Variants in NUP205 observed in about 807,000 individuals in gnomAD.
NUP205 encodes nucleoporin 205.
Under a neutral mutation model 253.8 loss-of-function variants are expected in NUP205, and 76 were observed. The ratio of observed to expected loss-of-function variants is 0.30; its 90% CI spans 0.25 to 0.36. The LOEUF (loss-of-function observed/expected upper bound fraction) is 0.36. Ranked by LOEUF, NUP205 falls within the 10% of genes least tolerant of loss-of-function variation. NUP205 has a pLI of 1.00. For missense variants in NUP205, 2,162 were observed against 2,425.5 expected (o/e 0.89, Z 2.28); for synonymous variants, 832 against 850.1 (o/e 0.98, Z 0.37).
chr7:135,613,928 GTAA>G (rs1794297023), intron 22 of NUP205: 1 of 282,578 alleles, frequency 3.5e-6, no homozygotes, highest in South Asian at 8.3e-5. Context: ...TAATAGTTGT[GTAA>G]TAATGTCACC....
intron 34 of NUP205, among the ~76,000 whole-genome samples, chr7:135,628,368 T>C (rs1249437819): frequency 1.3e-5 from 2 of 152,166 alleles, no homozygotes; most frequent in Admixed American, 1.3e-4. Flanking sequence ...TTTGTTCTTC[T>C]ATAAAAGAAA....
chr7:135,619,079 A>G (rs1747588850), intron 28 of NUP205, among the ~76,000 whole-genome samples: 1 of 152,094 alleles, frequency 6.6e-6, no homozygotes, highest in Non-Finnish European at 1.5e-5. Context: ...AAACTTGTTA[A>G]TGGGCTGTGT....
intron 13 of NUP205, among the ~76,000 whole-genome samples, chr7:135,595,897 G>T (rs1793820897): frequency 6.6e-6 from 1 of 152,024 alleles, no homozygotes; most frequent in Non-Finnish European, 1.5e-5. Flanking sequence ...CAACTTAAGG[G>T]AGTCTGGGAT....
At chr7:135,617,722 C>T in intron 27 of NUP205, 40 bp downstream of exon 27, 1 of 1,301,382 alleles carries the variant, frequency 7.7e-7, no homozygotes, top group Non-Finnish European at 1.1e-6. Context: ...AAACTTCTAA[C>T]TACTTAGGTT....
At position 135,622,934 on chromosome 7, in the gene NUP205, A is replaced by C; in HGVS notation, c.4479+9A>C. On this transcript the variant is annotated intron_variant, in intron 31 of 42. Coordinates refer to ENST00000285968, the MANE Select transcript of NUP205 (RefSeq NM_015135.3). ...GTCATGAGATTGGAAGGGTAAAGCA[A>C]CTCTTATTTAGTATTATAATTGAAT... 1 of 1,611,656 alleles carries C rather than the reference A, an allele frequency of 6.2e-7. No homozygotes were observed. Among genetic ancestry groups the C allele is most frequent in the Non-Finnish European group, 8.5e-7 (1 of 1,178,978 alleles).
rs780079018 is a variant in NUP205, at chr7:135,619,308, C to T, written c.3964-115C>T. 3.8e-4 allele frequency: 435 copies of T among 1,134,144 alleles called. 1 individual carries two copies. The highest frequency in any genetic ancestry group is 6.1e-4 in the Middle Eastern group (2 of 3,268). The allele number at this position is 1,134,144 out of a possible 1,614,324, so 70.3% of individuals were successfully genotyped here. A position where few individuals can be genotyped will look rare whatever the true frequency, so the allele number is the denominator to read the frequency against. On this transcript the variant is annotated intron_variant, in intron 28 of 42. Transcript: ENST00000285968. ...AGTGAGCTGAGATTATGCTACTGCA[C>T]TCCAGCCTCGGTGACAGAGCGAGAC... is the stretch of plus-strand genomic sequence containing the variant.
At chr7:135,622,734 CT>C in intron 30 of NUP205, 42 bp from the exon 31 acceptor site, 1 of 1,589,836 alleles carries the variant, frequency 6.3e-7, no homozygotes, top group South Asian at 1.1e-5. Context: ...AGTTATTACA[CT>C]GCTTTTTACT....
In NUP205 at chr7:135,625,142, CTTTAA is replaced by C; in HGVS notation, c.4480-17_4480-13del. 1.3e-6 allele frequency: 2 copies of C among 1,597,100 alleles called. No individual in the cohort carries two copies. The highest frequency in any genetic ancestry group is 1.7e-6 in the Non-Finnish European group (2 of 1,173,232). ...TTTGGTAGCATCTACATGTTTTGGA[CTTTAA>C]TTTATTCTTCCTTCAGATGCTGGCC... On this transcript the variant is annotated splice_polypyrimidine_tract_variant and intron_variant, in intron 31 of 42. Transcript: ENST00000285968.
intron 1 of NUP205, among the ~76,000 whole-genome samples, chr7:135,560,349 A>C (rs890732039): frequency 1.3e-5 from 2 of 152,186 alleles, no homozygotes; most frequent in Non-Finnish European, 2.9e-5. Flanking sequence ...TTATTAAACA[A>C]ATCATTGGAG....
intron 4 of NUP205, among the ~76,000 whole-genome samples, chr7:135,576,749 G>T (rs1163593853): frequency 6.6e-6 from 1 of 152,026 alleles, no homozygotes; most frequent in African/African-American, 2.4e-5. Flanking sequence ...GGGCATGATG[G>T]CATGCACCTG....
At chr7:135,580,744 C>T (rs746075072) in intron 7 of NUP205, among the ~76,000 whole-genome samples, 22 of 151,944 alleles carry the variant, frequency 1.4e-4, no homozygotes, top group Non-Finnish European at 2.2e-4. Flanking sequence ...ATTACAGGCG[C>T]GAGCCACCAT....
rs1256563142 is a variant in NUP205 at position 135,573,914 on chromosome 7, A to G, written c.343+89A>G. 3 of 1,033,118 alleles carry G rather than the reference A, an allele frequency of 2.9e-6. No homozygotes were observed. The African/African-American group carries it at 4.9e-5, about 17-fold the overall frequency. 64.0% of individuals were successfully genotyped at this position (1,033,118 alleles called of 1,614,324 possible). A position where few individuals can be genotyped will look rare whatever the true frequency, so the allele number is the denominator to read the frequency against. Reference sequence around the variant, plus strand: ...TAAAATAGTTTATTGTTTAGATTCTATCATAGTTTCTAAGGCTGCAGTTTG... The same window carrying G: ...TAAAATAGTTTATTGTTTAGATTCTGTCATAGTTTCTAAGGCTGCAGTTTG... On this transcript the variant is annotated intron_variant, in intron 3 of 42. Coordinates refer to ENST00000285968, the MANE Select transcript of NUP205 (RefSeq NM_015135.3).
chr7:135,607,322 G>C lies in NUP205; in HGVS notation c.3146G>C (p.Gly1049Ala). The change falls in exon 22 of 43, where the codon GGC becomes GCC. Residue 1049 changes from glycine to alanine, a missense_variant. Around this residue, in one of 5 missense-constraint regions of NUP205, gnomAD observed 1,144 missense variants for 1,280.9 expected, o/e 0.89. Coordinates refer to ENST00000285968, the MANE Select transcript of NUP205 (RefSeq NM_015135.3). ...GAGAAAGGAACGGAAGGGAGAACAGGCCCAGTGGCGGTGCGAGAATCTCCT... is the reference window on the plus strand; with the variant it reads ...GAGAAAGGAACGGAAGGGAGAACAGCCCCAGTGGCGGTGCGAGAATCTCCT... ...ILEKGTEGRT[G>A]PVAVRESPQL... 6.2e-7 allele frequency: 1 copy of C among 1,614,118 alleles called. No homozygotes were observed. Among genetic ancestry groups the C allele is most frequent in the Non-Finnish European group, 8.5e-7 (1 of 1,179,992 alleles).
chr7:135,632,353 G>T (rs1346566521), intron 35 of NUP205, among the ~76,000 whole-genome samples: 1 of 152,200 alleles, frequency 6.6e-6, no homozygotes, highest in African/African-American at 2.4e-5. Flanking sequence ...GAGGCACAGG[G>T]AGGTTAACTT....
chr7:135,577,996 T>G lies in NUP205; in HGVS notation c.849T>G (p.Phe283Leu). The G allele has an allele frequency of 6.2e-7, 1 of 1,613,662 alleles. No homozygotes were observed. Among genetic ancestry groups the G allele is most frequent in the Non-Finnish European group, 8.5e-7 (1 of 1,179,580 alleles). ...MALLYCFDISFIEQSTEERDD... is the reference protein window; with the variant it reads ...MALLYCFDISLIEQSTEERDD... The stretch of plus-strand genomic sequence containing the variant: ...TTCTATACTGTTTTGATATCAGTTT[T>G]ATAGAGCAAAGCACAGAGGAACGAG... The change falls in exon 6 of 43, where the codon TTT becomes TTG. Residue 283 changes from phenylalanine to leucine, a missense_variant. Physicochemically the swap from Phe to Leu is conservative, Grantham distance 22. This residue lies in a region of NUP205 where 892 missense variants were observed against 957.1 expected (regional missense o/e 0.93). Transcript: ENST00000285968.
Position 135,557,936 on chromosome 7 carries a change from G to T in NUP205, c.-9G>T. On this transcript the variant is annotated 5_prime_UTR_variant, in exon 1 of 43. Coordinates refer to ENST00000285968, the MANE Select transcript of NUP205 (RefSeq NM_015135.3). ...TGCGGCAGAAGGGCTCTGTTAGTGC[G>T]CCTCTAAGATGGCGACGCCTTTGGC... 1 of 1,613,262 alleles carries T rather than the reference G, an allele frequency of 6.2e-7. No individual in the cohort carries two copies. Among genetic ancestry groups the T allele is most frequent in the South Asian group, 1.1e-5 (1 of 91,072 alleles).
chr7:135,627,899 A>C (rs1013152084), intron 33 of NUP205, 74 bp from the exon 34 acceptor site: 5 of 1,451,430 alleles, frequency 3.4e-6, no homozygotes, highest in African/African-American at 2.8e-5. Context: ...TTTATTTGCC[A>C]TATCAGTGTT....
chr7:135,592,045 A>C (rs12534515), intron 11 of NUP205, among the ~76,000 whole-genome samples: 5,171 of 152,300 alleles, frequency 0.034, 119 homozygotes, highest in Middle Eastern at 0.1. Context: ...AAAAGGGAAA[A>C]GAAATTAAGC....
intron 7 of NUP205, among the ~76,000 whole-genome samples, chr7:135,583,104 A>G (rs1329193368): frequency 6.6e-6 from 1 of 152,138 alleles, no homozygotes; most frequent in Non-Finnish European, 1.5e-5. Flanking sequence ...TAAATAATAA[A>G]TAAATAATAA....
Sources: allele counts gnomAD v4.1 joint callset (sites outside exome capture counted in the v4.1 genomes callset), GRCh38; gene constraint gnomAD v4.1.1; regional missense constraint gnomAD v4.1.1; transcripts MANE v1.5; gene names NCBI Gene and HGNC (gene_info 2026-07-23, HGNC 2026-07-21).